The following MROH7 variants were observed in gnomAD, a reference collection of about 807,000 sequenced individuals.
The protein encoded by MROH7 is maestro heat like repeat family member 7.
Under a neutral mutation model 129.2 loss-of-function variants are expected in MROH7, and 113 were observed. The ratio of observed to expected loss-of-function variants is 0.87; its 90% confidence interval spans 0.75 to 1.02. The LOEUF (loss-of-function observed/expected upper bound fraction) is 1.02. MROH7 is among the 50% of genes least tolerant of loss of function. MROH7 has a pLI of 0.00. For synonymous variants in MROH7, 655 were observed against 667.9 expected (o/e 0.98, Z 0.30); for missense variants, 1,601 against 1,671.3 (o/e 0.96, Z 0.73).
In MROH7 at chr1:54,710,053, G is replaced by C; in HGVS notation, c.3838G>C (p.Gly1280Arg). The change falls in exon 24 of 24, where the codon GGG becomes CGG. Residue 1280 changes from glycine to arginine, a missense_variant. Physicochemically the swap from Gly to Arg is moderately radical, Grantham distance 125. Transcript: ENST00000421030. ...CTGGCAGAACTCCTGGCTGCCGCAC[G>C]GGAACTCATGGGTGTGTTACTCAGC... ...SCWQNSWLPH[G>R]NSWVCYSATT... The C allele has an allele frequency of 4.3e-6, 7 of 1,614,074 alleles. No homozygotes were observed. The highest frequency in any genetic ancestry group is 5.9e-6 in the Non-Finnish European group (7 of 1,180,018).
chr1:54,650,714 A>G (rs542070060), intron 1 of MROH7, among the ~76,000 whole-genome samples: 2 of 147,250 alleles, frequency 1.4e-5, no homozygotes, highest in East Asian at 4.0e-4. Flanking sequence ...ATGCATGTTG[A>G]TCGCCATCCC....
At chr1:54,708,384 G>A (rs573148938) in intron 22 of MROH7, among the ~76,000 whole-genome samples, 8 of 152,064 alleles carry the variant, frequency 5.3e-5, no homozygotes, top group Non-Finnish European at 1.2e-4. Flanking sequence ...CTATGATCAT[G>A]CCACTGCACT....
rs1557723927 is a variant in MROH7 at position 54,695,497 on chromosome 1, A to C, written c.2964+7A>C. The C allele has an allele frequency of 6.2e-7, 1 of 1,600,972 alleles. No individual in the cohort carries two copies. Among genetic ancestry groups the C allele is most frequent in the East Asian group, 2.2e-5 (1 of 44,656 alleles). On this transcript the variant is annotated splice_region_variant and intron_variant, in intron 17 of 23. Transcript: ENST00000421030. ...CACCGCCTTCTTCGTGGAGGTACCA[A>C]CGGGGGCAGCGGGTACACAGCGGGA...
At chr1:54,678,633 C>G in intron 10 of MROH7, 109 bp from the exon 11 acceptor site, 1 of 744,882 alleles carries the variant, frequency 1.3e-6, no homozygotes, top group Non-Finnish European at 2.3e-6. Context: ...GGTGTGTTCA[C>G]TATGTGAAAA....
intron 4 of MROH7, 63 bp downstream of exon 4, chr1:54,665,303 AC>A (rs200141664): frequency 0.011 from 14,710 of 1,302,772 alleles, 128 homozygotes; most frequent in Non-Finnish European, 0.013. Context: ...CCAACCCCCT[AC>A]CCCCCAGCCC....
intron 21 of MROH7, 109 bp downstream of exon 21, chr1:54,702,854 A>T: frequency 7.4e-7 from 1 of 1,350,318 alleles, no homozygotes; most frequent in East Asian, 2.4e-5. Flanking sequence ...TCCATGACCA[A>T]CTACAAGTTG....
At chr1:54,706,091 T>C (rs1199855414) in intron 21 of MROH7, among the ~76,000 whole-genome samples, 3 of 152,186 alleles carry the variant, frequency 2.0e-5, no homozygotes, top group Non-Finnish European at 2.9e-5. Flanking sequence ...CCCATTGCTC[T>C]ATACCTTGAA....
In MROH7 at chr1:54,673,782, A is replaced by C. The variant is rs1644939595; in HGVS notation, c.1777A>C (p.Met593Leu). 2.5e-6 allele frequency: 4 copies of C among 1,613,910 alleles called. No homozygotes were observed. The highest frequency in any genetic ancestry group is 3.3e-5 in the Admixed American group (2 of 60,000). ...CACCAATGTCTCTGTGTTGAACCAC[A>C]TGCTTCTAACTCTGCCTTTCTTTGT... is the stretch of plus-strand genomic sequence containing the variant. ...VNTNVSVLNH[M>L]LLTLPFFMPL... Residue 593 changes from methionine (M) to leucine (L), a missense_variant, in exon 9 of 24, where the codon ATG becomes CTG. Transcript: ENST00000421030.
At chr1:54,701,980 C>A (rs564598938) in intron 19 of MROH7, 110 bp from the exon 20 acceptor site, 2 of 976,990 alleles carry the variant, frequency 2.0e-6, no homozygotes, top group Non-Finnish European at 1.4e-6. Context: ...TGGGAAGAGT[C>A]GGGAGAGTTC....
chr1:54,705,810 C>A (rs938916576), intron 21 of MROH7, among the ~76,000 whole-genome samples: 1 of 152,164 alleles, frequency 6.6e-6, no homozygotes, highest in African/African-American at 2.4e-5. Flanking sequence ...CCTTGATACA[C>A]ATAGGTCGTC....
Position 54,679,403 on chromosome 1 carries a change from G to A in MROH7, c.2190G>A (p.Ser730=), listed in dbSNP as rs779428121. ...TGGCCTCGGAGGTCATGCTCAGCTCGGTGCTGGAGTGGTACCGCCACAGGG... is the reference window on the plus strand; with the variant it reads ...TGGCCTCGGAGGTCATGCTCAGCTCAGTGCTGGAGTGGTACCGCCACAGGG... ...MQLASEVMLS[S]VLEWYRHRAL... The change falls in exon 12 of 24, where the codon TCG becomes TCA. Residue 730 remains serine (S), a synonymous_variant. Transcript: ENST00000421030. 2.9e-5 allele frequency: 47 copies of A among 1,613,892 alleles called. No homozygotes were observed. Among genetic ancestry groups the A allele is most frequent in the East Asian group, 1.6e-4 (7 of 44,892 alleles).
intron 6 of MROH7, 80 bp downstream of exon 6, chr1:54,670,656 A>ACCCGGCCC: frequency 7.2e-7 from 1 of 1,394,518 alleles, no homozygotes. Flanking sequence ...TCTTCGCTGT[A>ACCCGGCCC]CCCTCCCCCA....
intron 3 of MROH7, chr1:54,663,634 A>G (rs564740848): frequency 2.8e-6 from 1 of 358,748 alleles, no homozygotes; most frequent in African/African-American, 2.2e-5. Context: ...TTGGCCTCCC[A>G]AAGTGCTGGG....
chr1:54,701,377 T>C (rs1645433897), intron 19 of MROH7, 55 bp downstream of exon 19: 13 of 1,432,248 alleles, frequency 9.1e-6, no homozygotes, highest in South Asian at 1.4e-5. Flanking sequence ...GGTCTTTTAC[T>C]ACCTTGGGGG....
In MROH7 at chr1:54,653,170, A is replaced by C. The variant is rs1482778996; in HGVS notation, c.244A>C (p.Arg82=). ...AGGCCTGGTGTCTGAAAACACCCCC[A>C]GACCTGATGACAGCAGAGCTATCGC... is the stretch of plus-strand genomic sequence containing the variant. ...ASGLVSENTP[R]PDDSRAIAPA... is the part of the protein sequence containing the mutation. The change falls in exon 3 of 24, where the codon AGA becomes CGA. Residue 82 remains arginine, a synonymous_variant. Transcript: ENST00000421030. 1.2e-6 allele frequency: 2 copies of C among 1,614,208 alleles called. No homozygotes were observed. Among genetic ancestry groups the C allele is most frequent in the Non-Finnish European group, 1.7e-6 (2 of 1,180,032 alleles).
intron 4 of MROH7, chr1:54,665,475 C>T (rs563440250): frequency 2.2e-6 from 1 of 447,542 alleles, no homozygotes; most frequent in African/African-American, 2.0e-5. Flanking sequence ...GTCTGTTATT[C>T]ACAGCTATAA....
chr1:54,656,798 G>A (rs936694821), intron 3 of MROH7, among the ~76,000 whole-genome samples: 9 of 151,872 alleles, frequency 5.9e-5, no homozygotes, highest in Admixed American at 2.0e-4. Flanking sequence ...GCGACACAGC[G>A]GGACTCTGTC....
At chr1:54,676,126 A>C (rs1234257824) in intron 10 of MROH7, among the ~76,000 whole-genome samples, 2 of 152,204 alleles carry the variant, frequency 1.3e-5, no homozygotes, top group Admixed American at 6.5e-5. Flanking sequence ...TGTTTATCTG[A>C]AATTCAAATT....
intron 17 of MROH7, chr1:54,698,281 G>A (rs1645354441): frequency 6.5e-6 from 1 of 153,552 alleles, no homozygotes; most frequent in Admixed American, 6.5e-5. Context: ...GAGTGGTCAG[G>A]TTTACATAAA....
Sources: gnomAD v4.1 joint callset for allele counts (sites outside exome capture counted in the v4.1 genomes callset) on GRCh38, gnomAD v4.1.1 for gene constraint, MANE v1.5 for transcripts, NCBI Gene and HGNC (gene_info 2026-07-23, HGNC 2026-07-21) for gene names.